MCTP2: variants seen among roughly 807,000 people sequenced by gnomAD.
The protein encoded by MCTP2 is multiple C2 and transmembrane domain containing 2, also known as multiple C2 and transmembrane domain-containing protein 2.
A neutral mutation model predicts 111.6 loss-of-function variants in MCTP2; 132 were observed. The observed-to-expected ratio is 1.18, with a 90% CI of 1.03 to 1.37. The LOEUF (loss-of-function observed/expected upper bound fraction) is 1.37. Ranked by LOEUF, MCTP2 falls within the 40% of genes most tolerant of loss-of-function variation. The pLI is 0.00. For synonymous variants in MCTP2, 395 were observed against 387.7 expected, an observed-to-expected ratio of 1.02 and a Z score of -0.22; for missense variants, 1,183 against 1,067.9, an observed-to-expected ratio of 1.11 and a Z score of -1.50.
At chr15:94,400,353 C>G (rs2081508626) in intron 16 of MCTP2, among the ~76,000 whole-genome samples, 1 of 152,148 alleles carries the variant, frequency 6.6e-6, no homozygotes, top group Admixed American at 6.5e-5. Flanking sequence ...GTCCTCTGCC[C>G]TTTGAAGTTT....
chr15:94,433,307 T>G (rs1260550660), intron 17 of MCTP2, among the ~76,000 whole-genome samples: 1 of 152,212 alleles, frequency 6.6e-6, no homozygotes, highest in Non-Finnish European at 1.5e-5. Flanking sequence ...GAAGAAATAT[T>G]TGCAGCTGAA....
At chr15:94,351,952 C>T (rs1369107823) in intron 8 of MCTP2, among the ~76,000 whole-genome samples, 5 of 152,134 alleles carry the variant, frequency 3.3e-5, no homozygotes, top group African/African-American at 9.7e-5. Context: ...CACCTGGCCT[C>T]GGACAGATAA....
At chr15:94,398,602 C>T (rs1417446192) in intron 14 of MCTP2, among the ~76,000 whole-genome samples, 1 of 152,182 alleles carries the variant, frequency 6.6e-6, no homozygotes, top group East Asian at 1.9e-4. Context: ...GTGACAGTTT[C>T]CTAGTCTTTC....
intron 17 of MCTP2, among the ~76,000 whole-genome samples, chr15:94,437,396 A>T (rs1412274320): frequency 6.6e-6 from 1 of 152,062 alleles, no homozygotes; most frequent in Non-Finnish European, 1.5e-5. Flanking sequence ...CAATTAAATG[A>T]TAAACCTTAA....
chr15:94,412,290 C>CTTT (rs199560639), intron 17 of MCTP2, among the ~76,000 whole-genome samples: 6 of 140,894 alleles, frequency 4.3e-5, no homozygotes, highest in African/African-American at 1.3e-4. Flanking sequence ...TTGGACTCTG[C>CTTT]TTTTTTTTTT....
At chr15:94,380,762 C>T (rs912231338) in intron 12 of MCTP2, among the ~76,000 whole-genome samples, 16 of 149,030 alleles carry the variant, frequency 1.1e-4, no homozygotes, top group African/African-American at 3.5e-4. Flanking sequence ...AGTGAGACTC[C>T]GTCTCAAAAA....
intron 17 of MCTP2, among the ~76,000 whole-genome samples, chr15:94,413,474 C>A (rs956800271): frequency 1.3e-5 from 2 of 151,738 alleles, no homozygotes; most frequent in Admixed American, 1.3e-4. Flanking sequence ...CTTTAACCTG[C>A]AGCTAAAATT....
chr15:94,339,207 G>C (rs2077512114), intron 4 of MCTP2, 83 bp from the exon 5 acceptor site: 2 of 1,026,470 alleles, frequency 1.9e-6, no homozygotes, highest in African/African-American at 1.6e-5. Context: ...CCTGGGGAGT[G>C]GGGAAAGGAT....
intron 12 of MCTP2, among the ~76,000 whole-genome samples, chr15:94,379,852 TATATA>T (rs1264418741): frequency 6.9e-5 from 10 of 144,466 alleles, no homozygotes; most frequent in Non-Finnish European, 1.1e-4. Context: ...ATATGATATA[TATATA>T]ATATATGACA....
intron 4 of MCTP2, among the ~76,000 whole-genome samples, chr15:94,334,132 G>A (rs894898652): frequency 3.9e-5 from 6 of 152,058 alleles, no homozygotes; most frequent in East Asian, 1.9e-4. Context: ...CATAGCATTC[G>A]TGAGGCATTC....
intron 12 of MCTP2, among the ~76,000 whole-genome samples, chr15:94,383,355 A>G (rs1023744200): frequency 6.6e-6 from 1 of 152,236 alleles, no homozygotes; most frequent in Non-Finnish European, 1.5e-5. Context: ...CATTTTAAAA[A>G]CAAAGAAATG....
rs529458630 is a variant in MCTP2, at chr15:94,409,798, G to A, written c.2085+7779G>A. Among the ~76,000 whole-genome samples the A allele has an allele frequency of 6.6e-5, 10 of 151,738 alleles. No homozygotes were observed. In the East Asian group the frequency reaches 2.0e-3, roughly 30 times the overall value. On this transcript the variant is annotated intron_variant, in intron 17 of 22. Coordinates refer to ENST00000357742, the MANE Select transcript of MCTP2 (RefSeq NM_001385001.1). ...GTACACTGCTAGATATTGAAATGCA[G>A]GAATGAATTTTCATACTGAGCACTC...
chr15:94,310,596 C>T (rs1309377126), intron 2 of MCTP2, among the ~76,000 whole-genome samples: 4 of 151,874 alleles, frequency 2.6e-5, no homozygotes, highest in Non-Finnish European at 4.4e-5. Context: ...GGAGACCAGC[C>T]TGGGCTGGTG....
chr15:94,461,985 AC>A (rs1258079873), intron 20 of MCTP2, among the ~76,000 whole-genome samples: 3 of 152,186 alleles, frequency 2.0e-5, no homozygotes, highest in Non-Finnish European at 4.4e-5. Context: ...CTAGTGTAGA[AC>A]CATGCATATG....
At chr15:94,378,427 G>T (rs1045366325) in intron 12 of MCTP2, among the ~76,000 whole-genome samples, 1 of 151,988 alleles carries the variant, frequency 6.6e-6, no homozygotes, top group African/African-American at 2.4e-5. Flanking sequence ...AGAGGCTGAG[G>T]CAGGAGGATT....
At chr15:94,357,276 G>T (rs2078677769) in intron 9 of MCTP2, among the ~76,000 whole-genome samples, 1 of 152,184 alleles carries the variant, frequency 6.6e-6, no homozygotes. Context: ...TGTGAAAATT[G>T]AGGGTGTATT....
intron 1 of MCTP2, among the ~76,000 whole-genome samples, chr15:94,283,485 TG>T (rs777001237): frequency 1.5e-4 from 23 of 152,038 alleles, no homozygotes; most frequent in African/African-American, 5.3e-4. Context: ...CTTAAATATC[TG>T]GGGGGGTTGT....
intron 20 of MCTP2, among the ~76,000 whole-genome samples, chr15:94,458,572 G>C (rs1285225411): frequency 6.6e-6 from 1 of 152,150 alleles, no homozygotes; most frequent in African/African-American, 2.4e-5. Context: ...GAAATAAAAA[G>C]AGAAGCAAAT....
intron 1 of MCTP2, among the ~76,000 whole-genome samples, chr15:94,284,465 T>C (rs1022392188): frequency 2.0e-5 from 3 of 152,206 alleles, no homozygotes; most frequent in African/African-American, 7.2e-5. Flanking sequence ...TATAGATCTT[T>C]CCATAATGCA....
Sources: allele counts gnomAD v4.1 joint callset (sites outside exome capture counted in the v4.1 genomes callset), GRCh38; gene constraint gnomAD v4.1.1; transcripts MANE v1.5; gene names NCBI Gene and HGNC (gene_info 2026-07-23, HGNC 2026-07-21).